The following MERTK variants were observed in gnomAD, a reference collection of about 807,000 sequenced individuals.
MERTK encodes tyrosine-protein kinase Mer.
A neutral mutation model predicts 99.3 loss-of-function variants in MERTK; 69 were observed. The ratio of observed to expected loss-of-function variants is 0.70; its 90% CI spans 0.57 to 0.85. MERTK has a LOEUF of 0.85. Among genes scored for constraint, MERTK ranks in the 40% least tolerant of loss-of-function variants. The pLI is 0.00. For synonymous variants in MERTK, 426 were observed against 467.6 expected, an observed-to-expected ratio of 0.91 and a Z score of 1.15; for missense variants, 1,125 against 1,249.4, an observed-to-expected ratio of 0.90 and a Z score of 1.50.
chr2:111,905,070 C>T (rs190091416), intron 1 of MERTK, among the ~76,000 whole-genome samples: 2 of 152,358 alleles, frequency 1.3e-5, no homozygotes, highest in East Asian at 1.9e-4. Context: ...GATCAGCAGG[C>T]CCCTTTTGGA....
intron 13 of MERTK, among the ~76,000 whole-genome samples, chr2:112,007,854 GT>G (rs35007634): frequency 0.25 from 37,487 of 148,412 alleles, 4,924 homozygotes; most frequent in South Asian, 0.33. Flanking sequence ...TGGTGTTGGG[GT>G]TTTTTTTTTG....
chr2:111,931,554 C>T (rs773886633), intron 2 of MERTK, among the ~76,000 whole-genome samples: 30 of 152,042 alleles, frequency 2.0e-4, no homozygotes, highest in Non-Finnish European at 4.1e-4. Flanking sequence ...GGCGTGGTGG[C>T]GCACGCCTAT....
At chr2:112,004,018 G>A (rs1676929356) in intron 13 of MERTK, 34 bp downstream of exon 13, 1 of 1,567,870 alleles carries the variant, frequency 6.4e-7, no homozygotes, top group South Asian at 1.1e-5. Flanking sequence ...ATTCTTCTAG[G>A]GTGGGCAGTT....
rs572430036 is a variant in MERTK, at chr2:111,993,618, G to T, written c.1297-633G>T. ...ATGATTACAGAGGTTTGGAAAAGGG[G>T]AGGAAGGTGTTGTATAAACCCTTAG... is the stretch of plus-strand genomic sequence containing the variant. On this transcript the variant is annotated intron_variant, in intron 8 of 18. Coordinates refer to ENST00000295408, the MANE Select transcript of MERTK (RefSeq NM_006343.3). 2.6e-5 allele frequency among the ~76,000 whole-genome samples: 4 copies of T among 152,304 alleles called. No individual in the cohort carries two copies. The South Asian group carries it at 8.3e-4, about 32-fold the overall frequency.
rs565578860 is a variant in MERTK at position 111,929,731 on chromosome 2, C to T, written c.482+191C>T. ...CCTCCGGCGTAGCTGGGATTACAGG[C>T]GCCCACCACCACACCCAGCTAATTT... On this transcript the variant is annotated intron_variant, in intron 2 of 18. Coordinates refer to ENST00000295408, the MANE Select transcript of MERTK (RefSeq NM_006343.3). Among the ~76,000 whole-genome samples, 827 of 150,196 alleles carry T rather than the reference C, an allele frequency of 5.5e-3. 8 individuals are homozygous for T. Among genetic ancestry groups the T allele is most frequent in the African/African-American group, 0.019 (792 of 40,974 alleles).
intron 16 of MERTK, 75 bp from the exon 17 acceptor site, chr2:112,021,347 A>G (rs1297848987): frequency 6.2e-7 from 1 of 1,600,874 alleles, no homozygotes; most frequent in African/African-American, 1.3e-5. Context: ...AAGTGTTTTC[A>G]CCTGTGTCTG....
chr2:111,934,414 T>C (rs1266301950), intron 2 of MERTK, among the ~76,000 whole-genome samples: 3 of 152,234 alleles, frequency 2.0e-5, no homozygotes, highest in Non-Finnish European at 4.4e-5. Flanking sequence ...TGATTGCCAT[T>C]TAAACTGGTG....
At chr2:111,921,152 G>A (rs1014189509) in intron 1 of MERTK, among the ~76,000 whole-genome samples, 12 of 152,116 alleles carry the variant, frequency 7.9e-5, no homozygotes, top group Admixed American at 7.9e-4. Context: ...CAGAATGTGG[G>A]GTGGGGGCAC....
At chr2:111,924,336 C>G (rs1684516384) in intron 1 of MERTK, among the ~76,000 whole-genome samples, 1 of 152,202 alleles carries the variant, frequency 6.6e-6, no homozygotes. Context: ...TGAGCAGCCT[C>G]GAGCCACCAG....
chr2:111,944,454 TCC>T (rs1684921007), intron 2 of MERTK, among the ~76,000 whole-genome samples: 2 of 150,348 alleles, frequency 1.3e-5, no homozygotes, highest in Admixed American at 6.6e-5. Flanking sequence ...TTTCCTTAGT[TCC>T]TTAAATTAAC....
At chr2:112,019,337 C>T in intron 15 of MERTK, 76 bp from the exon 16 acceptor site, 1 of 952,546 alleles carries the variant, frequency 1.0e-6, no homozygotes, top group East Asian at 2.5e-5. Context: ...AGCATCCTTT[C>T]CCCCCCCGGC....
In MERTK at chr2:111,950,228, G is replaced by A. The variant is rs1043267577; in HGVS notation, c.757+2661G>A. Among the ~76,000 whole-genome samples, 5 of 152,158 alleles carry A rather than the reference G, an allele frequency of 3.3e-5. No homozygotes were observed. The East Asian group carries it at 7.7e-4, about 23-fold the overall frequency. ...TGGGATTACAGGCATAAGCCACCGT[G>A]CCTGGCCAGTACATCATTTTTTATT... is the stretch of plus-strand genomic sequence containing the variant. On this transcript the variant is annotated intron_variant, in intron 4 of 18. Coordinates refer to ENST00000295408, the MANE Select transcript of MERTK (RefSeq NM_006343.3).
At chr2:111,951,561 T>TA (rs1343207423) in intron 4 of MERTK, among the ~76,000 whole-genome samples, 6 of 73,232 alleles carry the variant, frequency 8.2e-5, no homozygotes, top group African/African-American at 2.7e-4. Flanking sequence ...CATAATTTTT[T>TA]AATCCATTTA....
At chr2:111,952,916 C>A (rs1685083338) in intron 4 of MERTK, among the ~76,000 whole-genome samples, 1 of 152,144 alleles carries the variant, frequency 6.6e-6, no homozygotes, top group Non-Finnish European at 1.5e-5. Context: ...GACTTTTTGC[C>A]AGTCTGATGG....
chr2:111,957,259 T>C (rs1382190097), intron 4 of MERTK, among the ~76,000 whole-genome samples: 1 of 152,138 alleles, frequency 6.6e-6, no homozygotes, highest in Non-Finnish European at 1.5e-5. Context: ...ATGTGGCCGC[T>C]GGAGCAATCC....
chr2:111,904,719 A>G (rs575792571), intron 1 of MERTK, among the ~76,000 whole-genome samples: 4 of 152,264 alleles, frequency 2.6e-5, no homozygotes, highest in East Asian at 3.9e-4. Context: ...GGTTTTCCCA[A>G]TGAGGTCAGT....
At chr2:111,943,833 T>C (rs1453651034) in intron 2 of MERTK, among the ~76,000 whole-genome samples, 2 of 151,930 alleles carry the variant, frequency 1.3e-5, no homozygotes, top group Non-Finnish European at 2.9e-5. Context: ...GGAATTAGGG[T>C]CTAGTCTCAG....
intron 2 of MERTK, among the ~76,000 whole-genome samples, chr2:111,934,164 A>G (rs1684724552): frequency 1.3e-5 from 2 of 152,168 alleles, no homozygotes; most frequent in East Asian, 1.9e-4. Context: ...GCTATTGAGA[A>G]TGATGCTGTA....
At chr2:111,931,625 G>A (rs926375855) in intron 2 of MERTK, among the ~76,000 whole-genome samples, 11 of 151,774 alleles carry the variant, frequency 7.2e-5, no homozygotes, top group African/African-American at 2.4e-4. Flanking sequence ...GATGGAGGTT[G>A]CAGTAAGCCA....
Sources: allele counts gnomAD v4.1 joint callset (sites outside exome capture counted in the v4.1 genomes callset), GRCh38; gene constraint gnomAD v4.1.1; transcripts MANE v1.5; gene names NCBI Gene and HGNC (gene_info 2026-07-23, HGNC 2026-07-21).